WWP2: variants seen among roughly 807,000 people sequenced by gnomAD.
WWP2 encodes WW domain containing E3 ubiquitin protein ligase 2, also known as NEDD4-like E3 ubiquitin-protein ligase WWP2.
In WWP2, 57 loss-of-function variants were observed where a neutral mutation model predicts 121.0. The ratio of observed to expected loss-of-function variants is 0.47; its 90% CI spans 0.38 to 0.59. WWP2 has a LOEUF of 0.59. Ranked by LOEUF, WWP2 falls within the 20% of genes least tolerant of loss-of-function variation. The pLI is 0.00. For synonymous variants in WWP2, 449 were observed against 441.3 expected, an observed-to-expected ratio of 1.02 and a Z score of -0.22; for missense variants, 962 against 1,158.9, an observed-to-expected ratio of 0.83 and a Z score of 2.47.
At chr16:69,879,888 G>C (rs1485515287) in intron 7 of WWP2, among the ~76,000 whole-genome samples, 1 of 152,032 alleles carries the variant, frequency 6.6e-6, no homozygotes, top group Non-Finnish European at 1.5e-5. Context: ...TTGCAGAAAA[G>C]GATTTAAGAA....
chr16:69,841,965 C>T, intron 5 of WWP2, 59 bp from the exon 6 acceptor site: 2 of 1,538,868 alleles, frequency 1.3e-6, no homozygotes, highest in Non-Finnish European at 8.9e-7. Flanking sequence ...CGTCAAATCT[C>T]AAACACGAGT....
At position 69,865,411 on chromosome 16, in the gene WWP2, T is replaced by A. The variant is rs28803823; in HGVS notation, c.576-6393T>A. Among the ~76,000 whole-genome samples, 1,482 of 152,278 alleles carry A rather than the reference T, an allele frequency of 9.7e-3. 30 individuals carry two copies. The highest frequency in any genetic ancestry group is 0.032 in the African/African-American group (1,345 of 41,562). ...TTTTCTGATTGCTGAATTTTAAGAG[T>A]TCTCTATCAATTCTAGATAAAATTC... On this transcript the variant is annotated intron_variant, in intron 6 of 23. Transcript: ENST00000359154.
intron 10 of WWP2, among the ~76,000 whole-genome samples, chr16:69,923,085 T>C (rs1310102293): frequency 6.6e-6 from 1 of 152,048 alleles, no homozygotes; most frequent in Non-Finnish European, 1.5e-5. Flanking sequence ...AGACAGGGTT[T>C]CCCCATGTTG....
intron 8 of WWP2, among the ~76,000 whole-genome samples, chr16:69,903,710 G>T (rs1339735492): frequency 2.6e-5 from 4 of 151,398 alleles, no homozygotes; most frequent in Non-Finnish European, 5.9e-5. Context: ...GGAGGTTGCA[G>T]TGAGCCGAGA....
intron 7 of WWP2, among the ~76,000 whole-genome samples, chr16:69,873,102 T>A (rs148580731): frequency 1.3e-5 from 2 of 152,216 alleles, no homozygotes; most frequent in Non-Finnish European, 2.9e-5. Context: ...AGTTTTCTAG[T>A]GCTCGTGACA....
intron 4 of WWP2, among the ~76,000 whole-genome samples, chr16:69,805,786 T>C (rs995286482): frequency 7.9e-5 from 12 of 151,436 alleles, no homozygotes; most frequent in African/African-American, 2.7e-4. Flanking sequence ...TTTCTTTTTT[T>C]TTTTTTTTAG....
At chr16:69,859,913 G>A (rs979781131) in intron 6 of WWP2, among the ~76,000 whole-genome samples, 1 of 149,504 alleles carries the variant, frequency 6.7e-6, no homozygotes, top group African/African-American at 2.5e-5. Context: ...GTCTGCTGTG[G>A]TACACGACGA....
At chr16:69,764,483 A>G (rs968707324) in intron 1 of WWP2, among the ~76,000 whole-genome samples, 4 of 152,220 alleles carry the variant, frequency 2.6e-5, no homozygotes, top group African/African-American at 9.6e-5. Flanking sequence ...GTAAGTCACC[A>G]TGCCCAACTG....
chr16:69,926,572 A>G (rs2058642829), intron 11 of WWP2, among the ~76,000 whole-genome samples: 1 of 152,082 alleles, frequency 6.6e-6, no homozygotes, highest in African/African-American at 2.4e-5. Flanking sequence ...GGTTGTGTCA[A>G]CCCTGTTATA....
chr16:69,939,740 G>T, intron 23 of WWP2, 101 bp from the exon 24 acceptor site: 1 of 1,091,804 alleles, frequency 9.2e-7, no homozygotes, highest in East Asian at 2.5e-5. Flanking sequence ...GCCCTAGCCA[G>T]TGTGGTGCAA....
At chr16:69,885,224 A>G (rs2057904001) in intron 7 of WWP2, among the ~76,000 whole-genome samples, 1 of 152,076 alleles carries the variant, frequency 6.6e-6, no homozygotes, top group African/African-American at 2.4e-5. Context: ...TCTAGCTCTG[A>G]AAAAAGTCAT....
At chr16:69,879,338 C>A (rs1323568686) in intron 7 of WWP2, among the ~76,000 whole-genome samples, 1 of 152,140 alleles carries the variant, frequency 6.6e-6, no homozygotes, top group Non-Finnish European at 1.5e-5. Context: ...TTTTCATCAT[C>A]CCAAACGGAT....
intron 1 of WWP2, 117 bp downstream of exon 1, chr16:69,762,508 C>T (rs186588339): frequency 0.051 from 7,654 of 148,868 alleles, 263 homozygotes; most frequent in Middle Eastern, 0.11. Flanking sequence ...CGGGGGGCGG[C>T]GGCTTCCTGT....
At chr16:69,783,453 T>C (rs1039903917) in intron 1 of WWP2, among the ~76,000 whole-genome samples, 1 of 151,984 alleles carries the variant, frequency 6.6e-6, no homozygotes. Flanking sequence ...GGGAGATACT[T>C]TGAGTGCAGA....
chr16:69,929,520 G>A lies in WWP2; in HGVS notation c.1307G>A (p.Arg436Gln), dbSNP rs904083638. The change falls in exon 12 of 24, where the codon CGG becomes CAG. Residue 436 changes from arginine (R) to glutamine (Q), a missense_variant. Physicochemically the swap from Arg to Gln is conservative, Grantham distance 43. Around this residue, in one of 3 missense-constraint regions of WWP2, gnomAD observed 606 missense variants for 772.6 expected, o/e 0.78. Coordinates refer to ENST00000359154, the MANE Select transcript of WWP2 (RefSeq NM_001270454.2). ...CGCACGACCCAGTGGGAGGATCCCC[G>A]GACCCAGGGGTAAGGACTTGGGCTG... The part of the protein sequence containing the change: ...NTRTTQWEDP[R>Q]TQGMIQEPAL... The A allele has an allele frequency of 9.3e-6, 15 of 1,613,940 alleles. No homozygotes were observed. Among genetic ancestry groups the A allele is most frequent in the East Asian group, 2.2e-5 (1 of 44,886 alleles).
At position 69,862,708 on chromosome 16, in the gene WWP2, C is replaced by CTT. The variant is rs546868069; in HGVS notation, c.576-9071_576-9070dup. 4.7e-3 allele frequency among the ~76,000 whole-genome samples: 362 copies of CTT among 76,532 alleles called. 14 individuals are homozygous for CTT. Among genetic ancestry groups the CTT allele is most frequent in the Non-Finnish European group, 6.1e-3 (241 of 39,526 alleles). 50.2% of individuals were successfully genotyped at this position (76,532 alleles called of 152,430 possible). On this transcript the variant is annotated intron_variant, in intron 6 of 23. Transcript: ENST00000359154. ...CCTGGTATCCAGCCAGCCATGAATT[C>CTT]TTTTTTTTTTTTTTTTTTTTTTTTT...
chr16:69,874,302 C>T (rs1305124294), intron 7 of WWP2, among the ~76,000 whole-genome samples: 1 of 152,152 alleles, frequency 6.6e-6, no homozygotes, highest in African/African-American at 2.4e-5. Context: ...AGCGCAGGAC[C>T]AGAGGGGGGT....
chr16:69,799,161 AT>A lies in WWP2; in HGVS notation c.219-10del. 1 of 1,608,028 alleles carries A rather than the reference AT, an allele frequency of 6.2e-7. No individual in the cohort carries two copies. The highest frequency in any genetic ancestry group is 8.5e-7 in the Non-Finnish European group (1 of 1,177,852). Reference sequence around the variant, plus strand: ...TCTGCTTGGATGTAATGAATCAGGTATTTGTTTTTCAGGAATGTCACGGCAC... The same window carrying A: ...TCTGCTTGGATGTAATGAATCAGGTATTGTTTTTCAGGAATGTCACGGCAC... On this transcript the variant is annotated splice_polypyrimidine_tract_variant and intron_variant, in intron 3 of 23. Transcript: ENST00000359154. This position sits in a 1 kb window ranked among gnomAD's most constrained non-coding sequence, Gnocchi z 4.5.
At chr16:69,888,558 C>T (rs1054559794) in intron 8 of WWP2, among the ~76,000 whole-genome samples, 1 of 152,114 alleles carries the variant, frequency 6.6e-6, no homozygotes, top group Non-Finnish European at 1.5e-5. Flanking sequence ...GGAGGATGTT[C>T]GCCTAGATCC....
Sources: gnomAD v4.1 joint callset for allele counts (sites outside exome capture counted in the v4.1 genomes callset) on GRCh38, gnomAD v4.1.1 for gene constraint, gnomAD v4.1.1 regional missense constraint, Gnocchi (gnomAD v3.1) non-coding constraint, MANE v1.5 for transcripts, NCBI Gene and HGNC (gene_info 2026-07-23, HGNC 2026-07-21) for gene names.